Variants in SH2D4B observed in about 807,000 individuals in gnomAD.
SH2D4B encodes the protein SH2 domain-containing protein 4B.
SH2D4B carries 45 observed loss-of-function variants against 61.5 expected under a neutral mutation model. The ratio of observed to expected loss-of-function variants is 0.73; its 90% CI spans 0.58 to 0.94. The LOEUF (loss-of-function observed/expected upper bound fraction) is 0.94, where lower values mean the gene tolerates loss of function less well. Among genes scored for constraint, SH2D4B ranks in the 40% least tolerant of loss-of-function variants. The probability of loss-of-function intolerance (pLI) is 0.00; values close to 1 mark genes in which losing one functional copy is unlikely to be tolerated. For synonymous variants in SH2D4B, 224 were observed against 220.4 expected, an observed-to-expected ratio of 1.02 and a Z score of -0.14; for missense variants, 572 against 574.2, an observed-to-expected ratio of 1.00 and a Z score of 0.04.
rs11186269 is a variant in SH2D4B, at chr10:80,611,196, A to C, written c.988+1645A>C. Among the ~76,000 whole-genome samples, 1,499 of 150,162 alleles carry C rather than the reference A, an allele frequency of 1.0e-2. 31 individuals carry two copies. The highest frequency in any genetic ancestry group is 0.06 in the East Asian group (304 of 5,036). On this transcript the variant is annotated intron_variant, in intron 6 of 7. Transcript: ENST00000646907. ...GTCTCAAAAAAAAAAAAAAAAAAAA[A>C]AAAAAAACATTGATGATCTCATGAC...
chr10:80,617,326 C>T (rs912653878), intron 6 of SH2D4B, among the ~76,000 whole-genome samples: 5 of 152,202 alleles, frequency 3.3e-5, no homozygotes, highest in Non-Finnish European at 7.3e-5. Context: ...GTGTCTGCTC[C>T]TCCTGAGGCC....
At chr10:80,633,575 T>C (rs1842858039) in intron 6 of SH2D4B, among the ~76,000 whole-genome samples, 1 of 152,098 alleles carries the variant, frequency 6.6e-6, no homozygotes, top group Non-Finnish European at 1.5e-5. Flanking sequence ...TCACGCCTCC[T>C]ATATCACCCA....
intron 1 of SH2D4B, among the ~76,000 whole-genome samples, chr10:80,550,078 G>C (rs1034832657): frequency 1.3e-5 from 2 of 152,210 alleles, no homozygotes; most frequent in East Asian, 1.9e-4. Context: ...TGGGGAGCGG[G>C]GGGTGGGGGA....
chr10:80,572,462 T>C (rs894872086), intron 3 of SH2D4B, among the ~76,000 whole-genome samples: 10 of 152,178 alleles, frequency 6.6e-5, no homozygotes, highest in African/African-American at 2.4e-4. Flanking sequence ...GGCCAGAGTT[T>C]GATGGAGTTG....
At chr10:80,548,206 C>T (rs1185278080) in intron 1 of SH2D4B, among the ~76,000 whole-genome samples, 1 of 152,186 alleles carries the variant, frequency 6.6e-6, no homozygotes, top group East Asian at 1.9e-4. Flanking sequence ...ACTCTGTCGC[C>T]CAGGCTGGAG....
At chr10:80,544,243 C>G (rs189075172) in intron 1 of SH2D4B, among the ~76,000 whole-genome samples, 389 of 152,254 alleles carry the variant, frequency 2.6e-3, no homozygotes, top group Non-Finnish European at 4.0e-3. Context: ...GAGGCGCCGC[C>G]TTAAGAGCTG....
chr10:80,540,210 C>A (rs73307109), intron 1 of SH2D4B, among the ~76,000 whole-genome samples: 1 of 152,068 alleles, frequency 6.6e-6, no homozygotes, highest in African/African-American at 2.4e-5. Flanking sequence ...CAGGAAAGCA[C>A]GCCGAGGAAT....
intron 1 of SH2D4B, among the ~76,000 whole-genome samples, chr10:80,562,462 A>G (rs948401251): frequency 2.0e-5 from 3 of 152,266 alleles, no homozygotes; most frequent in African/African-American, 4.8e-5. Context: ...CCAAGAACCT[A>G]TCAATGATAT....
chr10:80,613,108 GCA>G (rs1842619854), intron 6 of SH2D4B, among the ~76,000 whole-genome samples: 1 of 152,182 alleles, frequency 6.6e-6, no homozygotes, highest in Admixed American at 6.5e-5. Flanking sequence ...GGGGAAATGG[GCA>G]CAGAGTGCAG....
Position 80,571,558 on chromosome 10 carries a change from C to T in SH2D4B, c.475C>T (p.Arg159Cys), listed in dbSNP as rs1269646861. 1 of 1,613,960 alleles carries T rather than the reference C, an allele frequency of 6.2e-7. No homozygotes were observed. The highest frequency in any genetic ancestry group is 2.2e-5 in the East Asian group (1 of 44,848). ...DRKAAKVLEE[R>C]IHEEFKRKEE... Reference sequence around the variant, plus strand: ...CAAGGCTGCCAAAGTCCTGGAGGAACGCATCCACGAGGAATTCAAGGTGGG... The same window carrying T: ...CAAGGCTGCCAAAGTCCTGGAGGAATGCATCCACGAGGAATTCAAGGTGGG... Residue 159 changes from arginine to cysteine, a missense_variant, in exon 3 of 8, where the codon CGC (arginine) becomes TGC (cysteine). Transcript: ENST00000646907.
intron 3 of SH2D4B, among the ~76,000 whole-genome samples, chr10:80,581,296 G>A (rs1382345020): frequency 6.6e-6 from 1 of 152,152 alleles, no homozygotes; most frequent in East Asian, 1.9e-4. Context: ...AGGTGGTTAA[G>A]GGCCACTTAT....
chr10:80,579,474 T>C (rs1263106738), intron 3 of SH2D4B, among the ~76,000 whole-genome samples: 1 of 152,170 alleles, frequency 6.6e-6, no homozygotes, highest in African/African-American at 2.4e-5. Context: ...CTAAAATTGC[T>C]TCTGGACATT....
At chr10:80,570,872 A>G (rs1842033575) in intron 2 of SH2D4B, among the ~76,000 whole-genome samples, 1 of 151,934 alleles carries the variant, frequency 6.6e-6, no homozygotes, top group Non-Finnish European at 1.5e-5. Context: ...TTATTTATTT[A>G]TCATTTTGTT....
chr10:80,573,165 T>C (rs1350188559), intron 3 of SH2D4B, among the ~76,000 whole-genome samples: 2 of 146,940 alleles, frequency 1.4e-5, no homozygotes, highest in Non-Finnish European at 3.0e-5. Flanking sequence ...TTTTTTTGTA[T>C]TTTTTAGTAG....
chr10:80,609,189 C>T (rs1036880517), intron 5 of SH2D4B, among the ~76,000 whole-genome samples: 1 of 152,128 alleles, frequency 6.6e-6, no homozygotes, highest in Admixed American at 6.5e-5. Flanking sequence ...TTATAATCTG[C>T]AAAATGCCTT....
chr10:80,591,346 A>G (rs1842323999), intron 4 of SH2D4B, among the ~76,000 whole-genome samples: 1 of 152,056 alleles, frequency 6.6e-6, no homozygotes, highest in Non-Finnish European at 1.5e-5. Flanking sequence ...GTGACTTACA[A>G]AGAAAATAAA....
intron 1 of SH2D4B, among the ~76,000 whole-genome samples, chr10:80,565,673 T>G (rs1322260745): frequency 6.6e-6 from 1 of 152,254 alleles, no homozygotes; most frequent in East Asian, 1.9e-4. Context: ...CAAGGATCCC[T>G]TCCCTTCTAT....
Position 80,644,075 on chromosome 10 carries a change from T to G in SH2D4B, c.1292T>G (p.Leu431Trp). 1 of 1,613,664 alleles carries G rather than the reference T, an allele frequency of 6.2e-7. No individual in the cohort carries two copies. The highest frequency in any genetic ancestry group is 2.2e-5 in the East Asian group (1 of 44,868). Reference sequence around the variant, plus strand: ...GACAGCCCACCAGACTACCATCTGTTGTTTGAATAATTTTTTTCCTTATCA... The same window carrying G: ...GACAGCCCACCAGACTACCATCTGTGGTTTGAATAATTTTTTTCCTTATCA... The part of the protein sequence containing the change: ...QRDSPPDYHL[L>W]FE The change falls in exon 8 of 8, where the codon TTG becomes TGG. Residue 431 changes from leucine (L) to tryptophan (W), a missense_variant. By Grantham distance (61) the Leu-to-Trp change is moderately conservative. Coordinates refer to ENST00000646907, the MANE Select transcript of SH2D4B (RefSeq NM_001388272.1).
At chr10:80,559,983 AC>A (rs1241686482) in intron 1 of SH2D4B, among the ~76,000 whole-genome samples, 1 of 135,474 alleles carries the variant, frequency 7.4e-6, no homozygotes, top group Non-Finnish European at 1.6e-5. Context: ...TTTAAAATAC[AC>A]CTTTTTTTTT....
Sources: allele counts gnomAD v4.1 joint callset (sites outside exome capture counted in the v4.1 genomes callset), GRCh38; gene constraint gnomAD v4.1.1; transcripts MANE v1.5; gene names NCBI Gene and HGNC (gene_info 2026-07-23, HGNC 2026-07-21).